The following MEGF11 variants were observed in gnomAD, a reference collection of about 807,000 sequenced individuals.
The protein encoded by MEGF11 is multiple epidermal growth factor-like domains protein 11.
Under a neutral mutation model 146.6 loss-of-function variants are expected in MEGF11, and 126 were observed. That is an observed-to-expected ratio of 0.86 (90% CI 0.74 to 1.00). The LOEUF is 1.00. MEGF11 is among the 50% of genes least tolerant of loss of function. The pLI is 0.00. For missense variants in MEGF11, 1,509 were observed against 1,521.2 expected (o/e 0.99, Z 0.13); for synonymous variants, 532 against 583.4 (o/e 0.91, Z 1.27).
chr15:66,022,959 C>G (rs1248778212), intron 5 of MEGF11, among the ~76,000 whole-genome samples: 1 of 151,688 alleles, frequency 6.6e-6, no homozygotes, highest in Non-Finnish European at 1.5e-5. Context: ...TCGAGACCAG[C>G]CTGACCAACA....
chr15:66,053,479 TATTATC>T (rs2084534600), intron 5 of MEGF11, among the ~76,000 whole-genome samples: 1 of 152,044 alleles, frequency 6.6e-6, no homozygotes, highest in African/African-American at 2.4e-5. Flanking sequence ...GGGTTATCAT[TATTATC>T]ATTATCATTA....
chr15:65,984,611 T>TCTTTGGGACA (rs1245372375), intron 5 of MEGF11, among the ~76,000 whole-genome samples: 2 of 146,632 alleles, frequency 1.4e-5, no homozygotes, highest in East Asian at 2.0e-4. Context: ...CCTCATCCTC[T>TCTTTGGGACA]CTTTGGGACA....
At chr15:66,113,349 C>G (rs1182938999) in intron 4 of MEGF11, among the ~76,000 whole-genome samples, 2 of 152,206 alleles carry the variant, frequency 1.3e-5, no homozygotes, top group African/African-American at 2.4e-5. Flanking sequence ...AACCATACTG[C>G]AGAGGGTGGC....
At position 65,898,795 on chromosome 15, in the gene MEGF11, C is replaced by T. The variant is rs563102814; in HGVS notation, c.3195G>A (p.Val1065=). 2 of 1,613,950 alleles carry T rather than the reference C, an allele frequency of 1.2e-6. No individual in the cohort carries two copies. The highest frequency in any genetic ancestry group is 2.7e-5 in the African/African-American group (2 of 75,030). The part of the protein sequence containing the change: ...ESSYVEMKSP[V]HMGSPYTDVP... ...CATCTGTGTACGGAGACCCCATGTGCACAGGCGACTTCATTTCTACATAGC... is the reference window on the plus strand; with the variant it reads ...CATCTGTGTACGGAGACCCCATGTGTACAGGCGACTTCATTTCTACATAGC... The change falls in exon 25 of 26, where the codon GTG becomes GTA. Residue 1065 remains valine, a synonymous_variant. Coordinates refer to ENST00000395614, the MANE Select transcript of MEGF11 (RefSeq NM_001385028.1).
At chr15:65,993,863 G>A (rs564305961) in intron 5 of MEGF11, among the ~76,000 whole-genome samples, 2 of 152,204 alleles carry the variant, frequency 1.3e-5, no homozygotes, top group Admixed American at 6.5e-5. Flanking sequence ...GGAGGAGGGA[G>A]CCTCTCTCTA....
chr15:66,202,291 G>A (rs977942948), intron 1 of MEGF11, among the ~76,000 whole-genome samples: 1 of 152,178 alleles, frequency 6.6e-6, no homozygotes, highest in East Asian at 1.9e-4. Context: ...AGTAATCAAT[G>A]CCCAGTGCCT....
At chr15:66,239,493 G>T (rs1320146248) in intron 1 of MEGF11, among the ~76,000 whole-genome samples, 1 of 152,156 alleles carries the variant, frequency 6.6e-6, no homozygotes, top group African/African-American at 2.4e-5. Context: ...ATTAATGATG[G>T]CTGAATCAGA....
intron 1 of MEGF11, among the ~76,000 whole-genome samples, chr15:66,231,526 G>A (rs2091967301): frequency 6.6e-6 from 1 of 152,106 alleles, no homozygotes; most frequent in African/African-American, 2.4e-5. Flanking sequence ...AGGGAGAGGA[G>A]CTGTTTTTCC....
At chr15:66,190,843 A>C (rs952007812) in intron 1 of MEGF11, among the ~76,000 whole-genome samples, 2 of 152,142 alleles carry the variant, frequency 1.3e-5, no homozygotes, top group Non-Finnish European at 1.5e-5. Flanking sequence ...TTTGCATGTC[A>C]TTTGCATAAA....
At chr15:66,228,505 C>A (rs1361346917) in intron 1 of MEGF11, among the ~76,000 whole-genome samples, 2 of 152,178 alleles carry the variant, frequency 1.3e-5, no homozygotes, top group African/African-American at 4.8e-5. Flanking sequence ...AGGAGCCACA[C>A]ACAGCAGGAC....
intron 5 of MEGF11, among the ~76,000 whole-genome samples, chr15:66,034,556 A>T (rs2083653848): frequency 6.6e-6 from 1 of 152,052 alleles, no homozygotes; most frequent in Admixed American, 6.5e-5. Context: ...AGTAGCTGGG[A>T]CTACAGGGAC....
chr15:66,071,454 G>C (rs1235205407), intron 5 of MEGF11, among the ~76,000 whole-genome samples: 2 of 152,244 alleles, frequency 1.3e-5, no homozygotes, highest in Admixed American at 6.5e-5. Flanking sequence ...TTAGAGCTGA[G>C]AGCAAATGTG....
chr15:66,249,313 C>G (rs2092338975), intron 1 of MEGF11, among the ~76,000 whole-genome samples: 1 of 152,128 alleles, frequency 6.6e-6, no homozygotes, highest in Non-Finnish European at 1.5e-5. Flanking sequence ...GAAGCAATCT[C>G]TCTTTCAGTC....
At chr15:66,201,975 A>AC (rs1472781046) in intron 1 of MEGF11, among the ~76,000 whole-genome samples, 37 of 141,248 alleles carry the variant, frequency 2.6e-4, no homozygotes, top group Non-Finnish European at 5.1e-4. Flanking sequence ...AAAAAAAAAA[A>AC]CCTGCCTCCA....
intron 1 of MEGF11, among the ~76,000 whole-genome samples, chr15:66,214,402 C>A (rs1196726579): frequency 1.3e-5 from 2 of 152,130 alleles, no homozygotes; most frequent in African/African-American, 4.8e-5. Flanking sequence ...CCCAGCCTGA[C>A]CCCTCCCAGT....
Position 66,226,921 on chromosome 15 carries a change from G to A in MEGF11, c.-9+26684C>T, listed in dbSNP as rs991968054. ...GCTTCAGGCTCTGCTGGGAGGACAG[G>A]TTGCCAGAAGCCAGCAGTCAAGTCA... is the stretch of plus-strand genomic sequence containing the variant. On this transcript the variant is annotated intron_variant, in intron 1 of 25. Transcript: ENST00000395614. 2.8e-4 allele frequency among the ~76,000 whole-genome samples: 42 copies of A among 152,180 alleles called. 1 individual carries two copies. The highest frequency in any genetic ancestry group is 2.9e-5 in the Non-Finnish European group (2 of 68,022).
intron 5 of MEGF11, among the ~76,000 whole-genome samples, chr15:66,081,432 G>A (rs1412783048): frequency 6.6e-6 from 1 of 152,146 alleles, no homozygotes; most frequent in East Asian, 1.9e-4. Context: ...AGGCTGGAGT[G>A]CAATGGCACG....
chr15:65,923,792 C>T (rs772874850), intron 13 of MEGF11, among the ~76,000 whole-genome samples: 1 of 152,086 alleles, frequency 6.6e-6, no homozygotes, highest in Non-Finnish European at 1.5e-5. Context: ...TTTTTGGGCT[C>T]AGGTAGAGGA....
rs1273505131 is a variant in MEGF11 at position 65,915,552 on chromosome 15, C to T, written c.2391G>A (p.Glu797=). 6.2e-7 allele frequency: 1 copy of T among 1,613,998 alleles called. No individual in the cohort carries two copies. Among genetic ancestry groups the T allele is most frequent in the South Asian group, 1.1e-5 (1 of 91,072 alleles). ...TFGYGCQQLC[E]CMNNSTCDHV... ...GGTCACAGGTGGAGTTGTTCATGCA[C>T]TCACATAGCTGCTGACACCCATAGC... The change falls in exon 19 of 26, where the codon GAG becomes GAA. Residue 797 remains glutamate (E), a synonymous_variant. Coordinates refer to ENST00000395614, the MANE Select transcript of MEGF11 (RefSeq NM_001385028.1).
Sources: gnomAD v4.1 joint callset for allele counts (sites outside exome capture counted in the v4.1 genomes callset) on GRCh38, gnomAD v4.1.1 for gene constraint, MANE v1.5 for transcripts, NCBI Gene and HGNC (gene_info 2026-07-23, HGNC 2026-07-21) for gene names.